Variants in ERBB4 observed in about 807,000 individuals in gnomAD.
ERBB4 encodes the protein erb-b2 receptor tyrosine kinase 4.
A neutral mutation model predicts 158.0 loss-of-function variants in ERBB4; 42 were observed. That is an observed-to-expected ratio of 0.27 (90% CI 0.21 to 0.34). The LOEUF (loss-of-function observed/expected upper bound fraction) is 0.34, where lower values mean the gene tolerates loss of function less well. Ranked by LOEUF, ERBB4 falls within the 10% of genes least tolerant of loss-of-function variation. ERBB4 has a pLI of 1.00. For synonymous variants in ERBB4, 583 were observed against 558.7 expected, an observed-to-expected ratio of 1.04 and a Z score of -0.61; for missense variants, 1,333 against 1,624.1, an observed-to-expected ratio of 0.82 and a Z score of 3.08.
chr2:211,958,950 A>G (rs866311828), intron 2 of ERBB4, among the ~76,000 whole-genome samples: 7 of 152,058 alleles, frequency 4.6e-5, no homozygotes, highest in South Asian at 4.1e-4. Flanking sequence ...CTTAGATGCT[A>G]TCTGACCTTT....
chr2:211,757,740 T>A (rs974113010), intron 4 of ERBB4, among the ~76,000 whole-genome samples: 1 of 152,218 alleles, frequency 6.6e-6, no homozygotes, highest in Non-Finnish European at 1.5e-5. Flanking sequence ...CCAGTTAATC[T>A]GGCACAAAAG....
At chr2:211,913,282 C>A (rs1390640077) in intron 3 of ERBB4, among the ~76,000 whole-genome samples, 1 of 151,958 alleles carries the variant, frequency 6.6e-6, no homozygotes, top group African/African-American at 2.4e-5. Flanking sequence ...CTTTTGAGGA[C>A]AATTTGTACA....
chr2:211,525,721 G>A (rs534780011), intron 20 of ERBB4, among the ~76,000 whole-genome samples: 11 of 152,220 alleles, frequency 7.2e-5, no homozygotes, highest in Admixed American at 2.6e-4. Flanking sequence ...CCATTGCCCC[G>A]AAGGGTGAGT....
intron 2 of ERBB4, among the ~76,000 whole-genome samples, chr2:212,087,704 C>T (rs2078657784): frequency 6.6e-6 from 1 of 151,928 alleles, no homozygotes; most frequent in Admixed American, 6.6e-5. Flanking sequence ...CATTAACTTC[C>T]CTCATCTATA....
intron 20 of ERBB4, among the ~76,000 whole-genome samples, chr2:211,521,255 C>T (rs1372821682): frequency 1.3e-5 from 2 of 152,130 alleles, no homozygotes; most frequent in African/African-American, 2.4e-5. Context: ...AAAAGTGCTA[C>T]TCCAGTGAAC....
intron 20 of ERBB4, among the ~76,000 whole-genome samples, chr2:211,449,500 T>C (rs536688062): frequency 6.6e-6 from 1 of 152,288 alleles, no homozygotes; most frequent in African/African-American, 2.4e-5. Context: ...CTGAGGATAG[T>C]AGCTTATATT....
intron 1 of ERBB4, among the ~76,000 whole-genome samples, chr2:212,166,360 C>G (rs2081346665): frequency 6.6e-6 from 1 of 151,984 alleles, no homozygotes; most frequent in Admixed American, 6.6e-5. Flanking sequence ...GACTGTGCTG[C>G]TGAAATGAAT....
chr2:211,520,715 A>G (rs1474502043), intron 20 of ERBB4, among the ~76,000 whole-genome samples: 1 of 152,164 alleles, frequency 6.6e-6, no homozygotes, highest in Non-Finnish European at 1.5e-5. Context: ...CATTTTTTAC[A>G]GATTGAAGGT....
intron 1 of ERBB4, among the ~76,000 whole-genome samples, chr2:212,389,181 T>C (rs1209601014): frequency 6.6e-6 from 1 of 152,046 alleles, no homozygotes; most frequent in Non-Finnish European, 1.5e-5. Context: ...TACATTTTGG[T>C]AAATGTGATG....
intron 20 of ERBB4, among the ~76,000 whole-genome samples, chr2:211,511,703 T>A (rs1171251297): frequency 6.6e-6 from 1 of 151,904 alleles, no homozygotes; most frequent in Non-Finnish European, 1.5e-5. Context: ...CAAAAAAGAA[T>A]CCTTTCTAGA....
intron 20 of ERBB4, among the ~76,000 whole-genome samples, chr2:211,510,381 T>A (rs1336479529): frequency 6.6e-6 from 1 of 152,078 alleles, no homozygotes; most frequent in Non-Finnish European, 1.5e-5. Flanking sequence ...CACTATTTAG[T>A]GCGATGGTTA....
Position 212,453,199 on chromosome 2 carries a change from T to C in ERBB4, c.82+85250A>G, listed in dbSNP as rs551611008. Reference sequence around the variant, plus strand: ...ATCAAGTATCAAGCATATAACTCTATAGGTGTTGCTTCTTATATCTTCCCC... The same window carrying C: ...ATCAAGTATCAAGCATATAACTCTACAGGTGTTGCTTCTTATATCTTCCCC... On this transcript the variant is annotated intron_variant, in intron 1 of 27. Transcript: ENST00000342788. 9.8e-5 allele frequency among the ~76,000 whole-genome samples: 15 copies of C among 152,320 alleles called. No homozygotes were observed. In the South Asian group the frequency reaches 3.1e-3, roughly 32 times the overall value.
chr2:211,663,438 C>G (rs1189390829), intron 15 of ERBB4, among the ~76,000 whole-genome samples: 1 of 152,116 alleles, frequency 6.6e-6, no homozygotes, highest in African/African-American at 2.4e-5. Context: ...CTAAAGGTGT[C>G]TTTTTTCTGT....
chr2:212,309,830 T>C (rs1217743119), intron 1 of ERBB4, among the ~76,000 whole-genome samples: 1 of 150,574 alleles, frequency 6.6e-6, no homozygotes, highest in Non-Finnish European at 1.5e-5. Flanking sequence ...TGTGTTCTTA[T>C]TAATGACAAG....
intron 1 of ERBB4, among the ~76,000 whole-genome samples, chr2:212,306,345 G>A (rs1285910351): frequency 1.3e-5 from 2 of 151,388 alleles, no homozygotes; most frequent in African/African-American, 2.4e-5. Context: ...GCCTCTCTGA[G>A]TATACACAAA....
At chr2:212,048,677 T>C (rs1327240236) in intron 2 of ERBB4, among the ~76,000 whole-genome samples, 3 of 152,114 alleles carry the variant, frequency 2.0e-5, no homozygotes, top group African/African-American at 4.8e-5. Context: ...AAGTTTGAGA[T>C]CCATATTCTA....
chr2:212,093,644 C>T (rs923146996), intron 2 of ERBB4, among the ~76,000 whole-genome samples: 2 of 152,142 alleles, frequency 1.3e-5, no homozygotes, highest in Non-Finnish European at 2.9e-5. Flanking sequence ...CCAACATTGT[C>T]GTATTTAGGG....
chr2:211,759,806 AGTGTGTGTGTGTGT>A (rs67981670), intron 4 of ERBB4, among the ~76,000 whole-genome samples: 12 of 149,938 alleles, frequency 8.0e-5, no homozygotes, highest in Admixed American at 1.3e-4. Context: ...CATTTTCTAG[AGTGTGTGTGTGTGT>A]GTGTGTGTGT....
At chr2:211,415,349 G>C (rs2063366058) in intron 25 of ERBB4, among the ~76,000 whole-genome samples, 1 of 151,700 alleles carries the variant, frequency 6.6e-6, no homozygotes, top group Non-Finnish European at 1.5e-5. Context: ...TCGATCTCCT[G>C]ACCTCATGAT....
Sources: gnomAD v4.1 joint callset for allele counts (sites outside exome capture counted in the v4.1 genomes callset) on GRCh38, gnomAD v4.1.1 for gene constraint, MANE v1.5 for transcripts, NCBI Gene and HGNC (gene_info 2026-07-23, HGNC 2026-07-21) for gene names.